Variants in MICU3 observed in about 807,000 individuals in gnomAD.
The protein encoded by MICU3 is mitochondrial calcium uptake 3.
In MICU3, 62 loss-of-function variants were observed where a neutral mutation model predicts 66.5. The observed-to-expected ratio is 0.93, with a 90% CI of 0.76 to 1.15. MICU3 has a LOEUF of 1.15. MICU3 is among the 50% of genes most tolerant of loss of function. The probability of loss-of-function intolerance (pLI) is 0.00; values close to 1 mark genes in which losing one functional copy is unlikely to be tolerated. For synonymous variants in MICU3, 308 were observed against 240.7 expected, an observed-to-expected ratio of 1.28 and a Z score of -2.59; for missense variants, 779 against 664.4, an observed-to-expected ratio of 1.17 and a Z score of -1.90.
the MICU3 span, among the ~76,000 whole-genome samples, chr8:17,137,291 T>C: frequency 6.6e-6 from 1 of 152,070 alleles, no homozygotes; most frequent in African/African-American, 2.4e-5. Flanking sequence ...AATGTTCTAT[T>C]TGCATTTAAA....
intron 11 of MICU3, among the ~76,000 whole-genome samples, chr8:17,106,435 G>A (rs1385903252): frequency 6.6e-6 from 1 of 150,972 alleles, no homozygotes; most frequent in East Asian, 1.9e-4. Context: ...CATGTTAAAC[G>A]GAATTTTTCC....
chr8:17,053,552 G>A (rs1216925930), intron 1 of MICU3, among the ~76,000 whole-genome samples: 1 of 152,102 alleles, frequency 6.6e-6, no homozygotes, highest in African/African-American at 2.4e-5. Context: ...GAAGATAATT[G>A]TATTGACACA....
intron 3 of MICU3, among the ~76,000 whole-genome samples, chr8:17,070,922 A>G (rs1372582989): frequency 2.6e-5 from 4 of 152,166 alleles, no homozygotes; most frequent in Non-Finnish European, 5.9e-5. Flanking sequence ...GGTGGGTAGC[A>G]TATACAGCGT....
At chr8:17,110,747 G>GT (rs1225693820) in intron 11 of MICU3, among the ~76,000 whole-genome samples, 2 of 151,368 alleles carry the variant, frequency 1.3e-5, no homozygotes, top group East Asian at 1.9e-4. Flanking sequence ...GGGGAGGGGG[G>GT]GGTAGAGACA....
intron 1 of MICU3, among the ~76,000 whole-genome samples, chr8:17,044,460 G>T (rs917321027): frequency 6.6e-6 from 1 of 152,152 alleles, no homozygotes; most frequent in African/African-American, 2.4e-5. Context: ...GAGCAGAGTA[G>T]CTCCCTAGGA....
intron 1 of MICU3, among the ~76,000 whole-genome samples, chr8:17,045,825 A>C (rs938109364): frequency 3.9e-5 from 6 of 152,220 alleles, no homozygotes; most frequent in Non-Finnish European, 7.3e-5. Flanking sequence ...GGGCATGTAC[A>C]GGGGAACTCC....
chr8:17,136,923 C>T, the MICU3 span, among the ~76,000 whole-genome samples: 4 of 151,804 alleles, frequency 2.6e-5, no homozygotes, highest in Non-Finnish European at 2.9e-5. Flanking sequence ...CAACCTCCAC[C>T]TCCTGGGTTC....
chr8:17,060,511 C>T (rs962774359), intron 1 of MICU3, among the ~76,000 whole-genome samples: 3 of 152,052 alleles, frequency 2.0e-5, no homozygotes, highest in Non-Finnish European at 4.4e-5. Context: ...AGGGTTTCAC[C>T]ATGTTGGCCA....
rs1819969406 is a variant in MICU3, at chr8:17,073,846, ATG to A, written c.568-3933_568-3932del. On this transcript the variant is annotated intron_variant, in intron 3 of 14. Coordinates refer to ENST00000318063, the MANE Select transcript of MICU3 (RefSeq NM_181723.3). Reference sequence around the variant, plus strand: ...GAAAATGAATAAATACATTATAGCTATGTGTATTAACATGAGTAGAACTAGAA... The same window carrying A: ...GAAAATGAATAAATACATTATAGCTATGTATTAACATGAGTAGAACTAGAA... 2.6e-5 allele frequency among the ~76,000 whole-genome samples: 4 copies of A among 152,298 alleles called. No individual in the cohort carries two copies. The South Asian group carries it at 8.3e-4, about 32-fold the overall frequency.
downstream of MICU3, among the ~76,000 whole-genome samples, chr8:17,125,665 G>C (rs893292695): frequency 6.6e-5 from 10 of 152,258 alleles, no homozygotes; most frequent in African/African-American, 2.2e-4. Context: ...TTGAGTGTGA[G>C]AAAGAAATCT....
intron 3 of MICU3, among the ~76,000 whole-genome samples, chr8:17,075,108 C>A (rs1820181856): frequency 6.6e-6 from 1 of 152,068 alleles, no homozygotes; most frequent in Non-Finnish European, 1.5e-5. Flanking sequence ...CAGAGTAAGA[C>A]CAGCCAGATG....
chr8:17,036,230 A>G (rs1391838537), intron 1 of MICU3, among the ~76,000 whole-genome samples: 2 of 151,948 alleles, frequency 1.3e-5, no homozygotes, highest in African/African-American at 4.8e-5. Context: ...GGAGTTGTTC[A>G]TTCCTGCCGG....
At chr8:17,093,567 A>G (rs1376100184) in intron 8 of MICU3, among the ~76,000 whole-genome samples, 5 of 151,968 alleles carry the variant, frequency 3.3e-5, no homozygotes, top group Non-Finnish European at 7.4e-5. Context: ...TTTGTCAATT[A>G]GTATGTTAAA....
At position 17,027,287 on chromosome 8, in the gene MICU3, C is replaced by T. The variant is rs199831377; in HGVS notation, c.8C>T (p.Ala3Val). 2 of 1,308,844 alleles carry T rather than the reference C, an allele frequency of 1.5e-6. No individual in the cohort carries two copies. Among genetic ancestry groups the T allele is most frequent in the Admixed American group, 2.5e-5 (1 of 39,782 alleles). The allele number at this position is 1,308,844 out of a possible 1,614,324, so 81.1% of individuals were successfully genotyped here. A position where few individuals can be genotyped will look rare whatever the true frequency, so the allele number is the denominator to read the frequency against. Residue 3 changes from alanine (A) to valine (V), a missense_variant, in exon 1 of 15, where the codon GCG (alanine) becomes GTG (valine). Transcript: ENST00000318063. The part of the protein sequence containing the change: MA[A>V]LRRLLWPPPR... ...GTGTGGGCGGCCTCCGCTATGGCTG[C>T]GCTGCGAAGGCTCTTGTGGCCGCCA...
At chr8:17,098,029 A>C (rs1368018785) in intron 8 of MICU3, among the ~76,000 whole-genome samples, 1 of 151,742 alleles carries the variant, frequency 6.6e-6, no homozygotes, top group African/African-American at 2.4e-5. Context: ...TGAGTCTTTG[A>C]TACACTAGCA....
intron 8 of MICU3, among the ~76,000 whole-genome samples, chr8:17,092,373 T>C (rs1286401039): frequency 1.3e-5 from 2 of 152,080 alleles, no homozygotes; most frequent in Non-Finnish European, 2.9e-5. Context: ...AAACTACATA[T>C]GCAAATTGCA....
At chr8:17,133,033 A>T in the MICU3 span, 1 of 152,258 alleles carries the variant, frequency 6.6e-6, no homozygotes, top group Non-Finnish European at 1.5e-5. Flanking sequence ...CCAGGCACTG[A>T]ATCTGCTTGA....
rs181036767 is a variant in MICU3 at position 17,051,654 on chromosome 8, A to G, written c.382-12430A>G. 9.8e-5 allele frequency among the ~76,000 whole-genome samples: 15 copies of G among 152,332 alleles called. No individual in the cohort carries two copies. In the East Asian group the frequency reaches 2.7e-3, roughly 27 times the overall value. On this transcript the variant is annotated intron_variant, in intron 1 of 14. Transcript: ENST00000318063. ...AGAAAATAAATGATTTCAAGGGGAAATGAGCCACCAACTGTGTCAAATGCT... is the reference window on the plus strand; with the variant it reads ...AGAAAATAAATGATTTCAAGGGGAAGTGAGCCACCAACTGTGTCAAATGCT...
chr8:17,066,163 T>G (rs1422604478), intron 2 of MICU3, among the ~76,000 whole-genome samples: 1 of 151,952 alleles, frequency 6.6e-6, no homozygotes, highest in Non-Finnish European at 1.5e-5. Context: ...TCTTTATTAG[T>G]GAGTTAGTAT....
Sources: allele counts gnomAD v4.1 joint callset (sites outside exome capture counted in the v4.1 genomes callset), GRCh38; gene constraint gnomAD v4.1.1; transcripts MANE v1.5; gene names NCBI Gene and HGNC (gene_info 2026-07-23, HGNC 2026-07-21).